SLC25A32: variants seen among roughly 807,000 people sequenced by gnomAD.
The protein encoded by SLC25A32 is solute carrier family 25 member 32.
Under a neutral mutation model 39.0 loss-of-function variants are expected in SLC25A32, and 32 were observed. That is an observed-to-expected ratio of 0.82 (90% CI 0.62 to 1.10). SLC25A32 has a LOEUF of 1.10. SLC25A32 is among the 50% of genes least tolerant of loss of function. SLC25A32 has a pLI of 0.00. For missense variants in SLC25A32, 367 were observed against 395.3 expected, an observed-to-expected ratio of 0.93 and a Z score of 0.61; for synonymous variants, 166 against 152.4, an observed-to-expected ratio of 1.09 and a Z score of -0.66.
At chr8:103,410,793 G>A (rs544461533) in intron 1 of SLC25A32, among the ~76,000 whole-genome samples, 1 of 152,198 alleles carries the variant, frequency 6.6e-6, no homozygotes, top group African/African-American at 2.4e-5. Flanking sequence ...GTACAGAAAG[G>A]AGCCAAGACA....
intron 3 of SLC25A32, among the ~76,000 whole-genome samples, chr8:103,404,458 G>A (rs1665957804): frequency 6.6e-6 from 1 of 152,084 alleles, no homozygotes; most frequent in Non-Finnish European, 1.5e-5. Context: ...AGCTGGGCGT[G>A]GTGGCACGTG....
At chr8:103,402,198 G>A in intron 4 of SLC25A32, 144 bp from the exon 5 acceptor site, 1 of 550,564 alleles carries the variant, frequency 1.8e-6, no homozygotes, top group Non-Finnish European at 3.2e-6. Context: ...TAAAATATGG[G>A]GTTAAAAACT....
chr8:103,409,708 T>A (rs761891349), intron 1 of SLC25A32, among the ~76,000 whole-genome samples: 1 of 152,224 alleles, frequency 6.6e-6, no homozygotes, highest in Non-Finnish European at 1.5e-5. Flanking sequence ...GAAGGATCAC[T>A]ATTTACCATT....
At chr8:103,409,202 C>T (rs533819771) in intron 1 of SLC25A32, among the ~76,000 whole-genome samples, 4 of 152,226 alleles carry the variant, frequency 2.6e-5, no homozygotes, top group Non-Finnish European at 4.4e-5. Context: ...TAATCGGCAA[C>T]GGCATTCTAC....
Position 103,414,981 on chromosome 8 carries a change from G to C in SLC25A32, c.-44C>G. On this transcript the variant is annotated 5_prime_UTR_variant, in exon 1 of 7. Coordinates refer to ENST00000297578, the MANE Select transcript of SLC25A32 (RefSeq NM_030780.5). The stretch of plus-strand genomic sequence containing the variant: ...CACCACGGCGCCCAGGGCCGCGGAG[G>C]TGGGACGCGATGCAGTGGCCGCCAC... 2 of 1,581,536 alleles carry C rather than the reference G, an allele frequency of 1.3e-6. No individual in the cohort carries two copies. Among genetic ancestry groups the C allele is most frequent in the Non-Finnish European group, 1.7e-6 (2 of 1,163,506 alleles).
At chr8:103,408,549 A>G (rs1198191353) in intron 1 of SLC25A32, among the ~76,000 whole-genome samples, 7 of 152,306 alleles carry the variant, frequency 4.6e-5, no homozygotes, top group Admixed American at 3.9e-4. Context: ...GAGTGGCAGG[A>G]AAGAAAATGC....
intron 3 of SLC25A32, 85 bp from the exon 4 acceptor site, chr8:103,403,409 T>TAAAAAA (rs11447002): frequency 3.2e-5 from 8 of 249,812 alleles, no homozygotes; most frequent in South Asian, 1.4e-4. Flanking sequence ...TACATTTATG[T>TAAAAAA]AAAAAAAAAA....
intron 2 of SLC25A32, among the ~76,000 whole-genome samples, chr8:103,407,357 T>A (rs1816355334): frequency 6.6e-6 from 1 of 152,216 alleles, no homozygotes; most frequent in Non-Finnish European, 1.5e-5. Flanking sequence ...TCTCTTTGCC[T>A]TTTTCCTATT....
intron 2 of SLC25A32, among the ~76,000 whole-genome samples, chr8:103,407,166 C>T (rs1474699587): frequency 2.6e-5 from 4 of 152,128 alleles, no homozygotes; most frequent in African/African-American, 7.2e-5. Flanking sequence ...AATAAAACAC[C>T]GATGGGGCCC....
intron 1 of SLC25A32, among the ~76,000 whole-genome samples, chr8:103,410,323 GTGACC>G (rs889421831): frequency 6.6e-6 from 1 of 152,174 alleles, no homozygotes; most frequent in African/African-American, 2.4e-5. Context: ...ACAGCAGCAG[GTGACC>G]TAGGTGGGCG....
intron 1 of SLC25A32, among the ~76,000 whole-genome samples, 162 bp from the exon 2 acceptor site, chr8:103,407,946 CATATATATATAA>C (rs1563719166): frequency 6.9e-6 from 1 of 144,350 alleles, no homozygotes; most frequent in Non-Finnish European, 1.5e-5. Flanking sequence ...ATATATATTA[CATATATATATAA>C]ATATATATAT....
Position 103,400,503 on chromosome 8 carries a change from A to G in SLC25A32, c.856T>C (p.Leu286=). The stretch of plus-strand genomic sequence containing the variant: ...CAGCAGGCTGGAGTCACTCTAATCA[A>G]ATTAGGAGCAATTCCCTTGTAAAAT... ...GGFYKGIAPN[L]IRVTPACCIT... The change falls in exon 7 of 7, where the codon TTG becomes CTG. Residue 286 remains leucine, a synonymous_variant. Coordinates refer to ENST00000297578, the MANE Select transcript of SLC25A32 (RefSeq NM_030780.5). 1 of 1,614,134 alleles carries G rather than the reference A, an allele frequency of 6.2e-7. No individual in the cohort carries two copies. Among genetic ancestry groups the G allele is most frequent in the Non-Finnish European group, 8.5e-7 (1 of 1,179,984 alleles).
At chr8:103,404,470 C>A (rs1194853694) in intron 3 of SLC25A32, among the ~76,000 whole-genome samples, 1 of 152,082 alleles carries the variant, frequency 6.6e-6, no homozygotes, top group Non-Finnish European at 1.5e-5. Flanking sequence ...TGGCACGTGT[C>A]TGTAGTCCCA....
chr8:103,406,342 G>A (rs1350752798), intron 2 of SLC25A32, among the ~76,000 whole-genome samples: 25 of 152,084 alleles, frequency 1.6e-4, no homozygotes, highest in Admixed American at 1.6e-3. Context: ...GAAGACAAAG[G>A]CAAATACACT....
At chr8:103,414,067 A>G (rs1183278773) in intron 1 of SLC25A32, among the ~76,000 whole-genome samples, 2 of 152,340 alleles carry the variant, frequency 1.3e-5, no homozygotes, top group South Asian at 2.1e-4. Context: ...CTAATGCTAA[A>G]ATAAACAACT....
intron 1 of SLC25A32, among the ~76,000 whole-genome samples, chr8:103,410,996 T>C (rs1312613769): frequency 3.3e-5 from 5 of 152,202 alleles, no homozygotes; most frequent in Admixed American, 6.5e-5. Context: ...ATATTGGTGT[T>C]TTTAAAATTG....
rs745904653 is a variant in SLC25A32, at chr8:103,408,974, A to C, written c.155-1190T>G. On this transcript the variant is annotated intron_variant, in intron 1 of 6. Transcript: ENST00000297578. ...TTCTTGCTAATTTTGTAAAAAATAT[A>C]ATCTAGATTATAAATCTGGCACTTT... is the stretch of plus-strand genomic sequence containing the variant. Among the ~76,000 whole-genome samples the C allele has an allele frequency of 1.2e-4, 19 of 152,342 alleles. No individual in the cohort carries two copies. The Middle Eastern group carries it at 0.02, about 164-fold the overall frequency.
At chr8:103,403,133 A>G in intron 4 of SLC25A32, 31 bp downstream of exon 4, 2 of 1,468,756 alleles carry the variant, frequency 1.4e-6, no homozygotes, top group African/African-American at 1.4e-5. Context: ...CAAATTTTTC[A>G]GTTATTTAAA....
Position 103,414,739 on chromosome 8 carries a change from GC to G in SLC25A32, c.154+44del, listed in dbSNP as rs749105713. The G allele has an allele frequency of 4.3e-6, 7 of 1,611,030 alleles. No individual in the cohort carries two copies. The South Asian group carries it at 7.7e-5, about 18-fold the overall frequency. On this transcript the variant is annotated intron_variant, in intron 1 of 6. Coordinates refer to ENST00000297578, the MANE Select transcript of SLC25A32 (RefSeq NM_030780.5). Reference sequence around the variant, plus strand: ...AAAAGACGGAGGAGATCCAGTTCGGGCTGACAGTGAGAGGATGCAGCCCGGT... The same window carrying G: ...AAAAGACGGAGGAGATCCAGTTCGGGTGACAGTGAGAGGATGCAGCCCGGT...
Sources: allele counts gnomAD v4.1 joint callset (sites outside exome capture counted in the v4.1 genomes callset), GRCh38; gene constraint gnomAD v4.1.1; transcripts MANE v1.5; gene names NCBI Gene and HGNC (gene_info 2026-07-23, HGNC 2026-07-21).